TRAPPC9: variants seen among roughly 807,000 people sequenced by gnomAD.
The protein encoded by TRAPPC9 is IKK2 binding protein.
In TRAPPC9, 83 loss-of-function variants were observed where a neutral mutation model predicts 124.0. The ratio of observed to expected loss-of-function variants is 0.67; its 90% CI spans 0.56 to 0.80. TRAPPC9 has a LOEUF of 0.80. Ranked by LOEUF, TRAPPC9 falls within the 30% of genes least tolerant of loss-of-function variation. The pLI is 0.00. For synonymous variants in TRAPPC9, 638 were observed against 617.5 expected (o/e 1.03, Z -0.49); for missense variants, 1,302 against 1,508.3 (o/e 0.86, Z 2.27).
intron 21 of TRAPPC9, among the ~76,000 whole-genome samples, chr8:139,778,303 A>T (rs1408552345): frequency 6.7e-6 from 1 of 148,576 alleles, no homozygotes; most frequent in Non-Finnish European, 1.5e-5. Flanking sequence ...AGCAAAACCC[A>T]AAAGGATATA....
At chr8:139,977,941 A>G (rs186520128) in intron 19 of TRAPPC9, among the ~76,000 whole-genome samples, 65 of 152,176 alleles carry the variant, frequency 4.3e-4, no homozygotes, top group Non-Finnish European at 7.4e-5. Context: ...ACGGCCTCCT[A>G]AAGTGCTGGG....
Position 140,046,767 on chromosome 8 carries a change from T to C in TRAPPC9, c.2557-22688A>G, listed in dbSNP as rs1341650859. ...ATTAGAATTGCCCCATATTTTATAA[T>C]TGCCCTAAATTATAAATGTTAGTAA... On this transcript the variant is annotated intron_variant, in intron 17 of 22. Transcript: ENST00000438773. Among the ~76,000 whole-genome samples the C allele has an allele frequency of 3.3e-5, 5 of 152,206 alleles. 1 individual carries two copies. Among genetic ancestry groups the C allele is most frequent in the Admixed American group, 2.6e-4 (4 of 15,280 alleles).
At chr8:140,067,190 C>T (rs1298082836) in intron 17 of TRAPPC9, among the ~76,000 whole-genome samples, 1 of 152,170 alleles carries the variant, frequency 6.6e-6, no homozygotes, top group Non-Finnish European at 1.5e-5. Context: ...GTCTCCCAGG[C>T]TGGAGTGCAA....
At chr8:140,031,068 C>T (rs1490872249) in intron 17 of TRAPPC9, among the ~76,000 whole-genome samples, 2 of 152,132 alleles carry the variant, frequency 1.3e-5, no homozygotes, top group Non-Finnish European at 2.9e-5. Flanking sequence ...TACAATCACT[C>T]GTAAACATTA....
At chr8:140,383,651 T>C (rs529250028) in intron 7 of TRAPPC9, among the ~76,000 whole-genome samples, 1 of 152,224 alleles carries the variant, frequency 6.6e-6, no homozygotes, top group Non-Finnish European at 1.5e-5. Context: ...CTCCAAGAAA[T>C]ACGGGACTAT....
chr8:140,133,150 C>A (rs2061235703), intron 17 of TRAPPC9, among the ~76,000 whole-genome samples: 1 of 152,154 alleles, frequency 6.6e-6, no homozygotes, highest in Non-Finnish European at 1.5e-5. Flanking sequence ...GATACCGATG[C>A]AAAACCCTCA....
intron 17 of TRAPPC9, among the ~76,000 whole-genome samples, chr8:140,201,875 C>T (rs950403556): frequency 1.3e-5 from 2 of 151,996 alleles, no homozygotes; most frequent in African/African-American, 4.8e-5. Flanking sequence ...CCGTGTCAGG[C>T]GAGAGGGAGC....
chr8:140,023,589 TGAGCCCCTGCTAACAGGAGA>T (rs1025929069), intron 18 of TRAPPC9, among the ~76,000 whole-genome samples: 2 of 152,316 alleles, frequency 1.3e-5, no homozygotes, highest in Admixed American at 1.3e-4. Flanking sequence ...TGCTATCCAC[TGAGCCCCTGCTAACAGGAGA>T]GGTAAGCCAG....
At chr8:139,966,138 G>C (rs1366333068) in intron 19 of TRAPPC9, among the ~76,000 whole-genome samples, 1 of 152,240 alleles carries the variant, frequency 6.6e-6, no homozygotes, top group Non-Finnish European at 1.5e-5. Context: ...GAGAGGTGGG[G>C]GCAGAACAGA....
Position 139,776,612 on chromosome 8 carries a change from G to A in TRAPPC9, c.3056-44410C>T, listed in dbSNP as rs893431222. ...GAACCTGGACTCCGCCACATGGCTCGGAGCCTCTGGAGCTTTGGTCCCGTC... is the reference window on the plus strand; with the variant it reads ...GAACCTGGACTCCGCCACATGGCTCAGAGCCTCTGGAGCTTTGGTCCCGTC... On this transcript the variant is annotated intron_variant, in intron 21 of 22. Transcript: ENST00000438773. This position sits in a 1 kb window ranked among gnomAD's most constrained non-coding sequence, Gnocchi z 4.1. Among the ~76,000 whole-genome samples the A allele has an allele frequency of 6.6e-6, 1 of 152,098 alleles. No individual in the cohort carries two copies. Among genetic ancestry groups the A allele is most frequent in the African/African-American group, 2.4e-5 (1 of 41,428 alleles).
intron 17 of TRAPPC9, among the ~76,000 whole-genome samples, chr8:140,156,998 TC>T (rs1357768458): frequency 2.3e-5 from 2 of 85,414 alleles, no homozygotes; most frequent in Admixed American, 1.1e-4. Context: ...TTCAAAAGCC[TC>T]CCTTTTCCAT....
At chr8:140,151,588 G>A (rs1216758733) in intron 17 of TRAPPC9, among the ~76,000 whole-genome samples, 1 of 152,104 alleles carries the variant, frequency 6.6e-6, no homozygotes, top group Non-Finnish European at 1.5e-5. Flanking sequence ...CAGGCACATT[G>A]GACTAGGGCC....
intron 21 of TRAPPC9, among the ~76,000 whole-genome samples, chr8:139,849,359 G>A (rs1827301615): frequency 2.0e-5 from 3 of 152,166 alleles, no homozygotes; most frequent in South Asian, 2.1e-4. Context: ...TTCTACTCAG[G>A]GGCCAGCAGC....
At chr8:140,351,845 G>C (rs2067590531) in intron 9 of TRAPPC9, among the ~76,000 whole-genome samples, 1 of 152,154 alleles carries the variant, frequency 6.6e-6, no homozygotes, top group South Asian at 2.1e-4. Flanking sequence ...AGGTCTGCTA[G>C]AGACTCTTAA....
intron 17 of TRAPPC9, among the ~76,000 whole-genome samples, chr8:140,200,150 C>A (rs1454639433): frequency 6.6e-6 from 1 of 152,122 alleles, no homozygotes; most frequent in Non-Finnish European, 1.5e-5. Context: ...GACAGGAAAG[C>A]TAGAATGAGC....
intron 19 of TRAPPC9, among the ~76,000 whole-genome samples, chr8:139,979,202 T>C (rs575145031): frequency 4.8e-4 from 73 of 152,288 alleles, no homozygotes; most frequent in Admixed American, 7.8e-4. Context: ...CCTGTCCCTC[T>C]GAAAAATCTC....
chr8:140,435,796 C>A (rs1440835825), intron 3 of TRAPPC9, among the ~76,000 whole-genome samples: 1 of 152,208 alleles, frequency 6.6e-6, no homozygotes, highest in Admixed American at 6.5e-5. Flanking sequence ...ACAGTCCGTT[C>A]TTCTCTCATG....
chr8:140,285,594 C>A (rs1234180538), intron 13 of TRAPPC9, among the ~76,000 whole-genome samples: 2 of 152,156 alleles, frequency 1.3e-5, no homozygotes, highest in African/African-American at 4.8e-5. Flanking sequence ...CTCATCTCTG[C>A]CACCCTGGCC....
chr8:139,842,002 G>A lies in TRAPPC9; in HGVS notation c.3055+43877C>T, dbSNP rs143723606. On this transcript the variant is annotated intron_variant, in intron 21 of 22. Transcript: ENST00000438773. ...CCGGGGACATGGGAGAGCCCAGACCGCTTTGGAAAACACAGCAGTGTGAGT... is the reference window on the plus strand; with the variant it reads ...CCGGGGACATGGGAGAGCCCAGACCACTTTGGAAAACACAGCAGTGTGAGT... Among the ~76,000 whole-genome samples the A allele has an allele frequency of 5.9e-3, 900 of 152,316 alleles. 9 individuals carry two copies. Among genetic ancestry groups the A allele is most frequent in the African/African-American group, 0.02 (848 of 41,568 alleles).
Sources: allele counts gnomAD v4.1 joint callset (sites outside exome capture counted in the v4.1 genomes callset), GRCh38; gene constraint gnomAD v4.1.1; non-coding constraint Gnocchi (gnomAD v3.1); transcripts MANE v1.5; gene names NCBI Gene and HGNC (gene_info 2026-07-23, HGNC 2026-07-21).